DDX10: variants seen among roughly 807,000 people sequenced by gnomAD.
The protein encoded by DDX10 is probable ATP-dependent RNA helicase DDX10.
DDX10 carries 74 observed loss-of-function variants against 104.3 expected under a neutral mutation model. The observed-to-expected ratio is 0.71, with a 90% CI of 0.59 to 0.86. DDX10 has a LOEUF of 0.86. Ranked by LOEUF, DDX10 falls within the 40% of genes least tolerant of loss-of-function variation. The probability of loss-of-function intolerance (pLI) is 0.00; values close to 1 mark genes in which losing one functional copy is unlikely to be tolerated. For missense variants in DDX10, 952 were observed against 1,040.0 expected (o/e 0.92, Z 1.16); for synonymous variants, 351 against 353.4 (o/e 0.99, Z 0.08).
At chr11:108,680,270 A>G (rs1316695414) in intron 6 of DDX10, among the ~76,000 whole-genome samples, 1 of 152,196 alleles carries the variant, frequency 6.6e-6, no homozygotes, top group African/African-American at 2.4e-5. Flanking sequence ...GCTGGAGTGC[A>G]GTTGTGTGAA....
intron 13 of DDX10, among the ~76,000 whole-genome samples, chr11:108,812,998 A>AAAAAAAAAAAAG (rs1301369667): frequency 6.6e-6 from 1 of 151,396 alleles, no homozygotes; most frequent in African/African-American, 2.4e-5. Flanking sequence ...AAAAAAGAAC[A>AAAAAAAAAAAAG]AACATTTACT....
intron 17 of DDX10, chr11:108,920,441 A>T (rs1388929081): frequency 6.6e-6 from 1 of 152,144 alleles, no homozygotes; most frequent in Non-Finnish European, 1.5e-5. Context: ...ATCACTGATG[A>T]GGGATTTTAT....
At chr11:108,781,192 G>T (rs757471657) in intron 13 of DDX10, among the ~76,000 whole-genome samples, 9 of 152,198 alleles carry the variant, frequency 5.9e-5, no homozygotes, top group Admixed American at 3.3e-4. Context: ...ATTCATTTAG[G>T]CTTATGGCCA....
At chr11:108,834,858 G>A (rs1271816159) in intron 13 of DDX10, among the ~76,000 whole-genome samples, 14 of 149,450 alleles carry the variant, frequency 9.4e-5, no homozygotes, top group Non-Finnish European at 1.6e-4. Context: ...AACCCGGGAG[G>A]TGGAGCTTGC....
chr11:108,917,033 AC>A (rs1452917509), intron 16 of DDX10, among the ~76,000 whole-genome samples: 1 of 151,734 alleles, frequency 6.6e-6, no homozygotes, highest in Non-Finnish European at 1.5e-5. Context: ...AAGACCCATC[AC>A]TACAAATAAG....
chr11:108,769,557 A>G (rs1224713632), intron 13 of DDX10, among the ~76,000 whole-genome samples: 1 of 152,086 alleles, frequency 6.6e-6, no homozygotes, highest in Non-Finnish European at 1.5e-5. Flanking sequence ...CTATTATCTA[A>G]ATGTCTTGGA....
intron 16 of DDX10, among the ~76,000 whole-genome samples, chr11:108,913,542 G>T (rs372972683): frequency 6.6e-6 from 1 of 152,116 alleles, no homozygotes; most frequent in Non-Finnish European, 1.5e-5. Flanking sequence ...TGGGCAAATT[G>T]CGAGGGAGGT....
At chr11:108,787,759 C>T (rs368332397) in intron 13 of DDX10, among the ~76,000 whole-genome samples, 4 of 151,988 alleles carry the variant, frequency 2.6e-5, no homozygotes, top group African/African-American at 4.8e-5. Context: ...GGAGAAACCC[C>T]GTCTCTACTA....
chr11:108,810,735 A>G (rs1414751340), intron 13 of DDX10, among the ~76,000 whole-genome samples: 1 of 152,228 alleles, frequency 6.6e-6, no homozygotes, highest in Non-Finnish European at 1.5e-5. Context: ...ACACACAACT[A>G]GAAATCCTGG....
chr11:108,666,839 T>C (rs2094210808), intron 1 of DDX10, among the ~76,000 whole-genome samples: 1 of 152,234 alleles, frequency 6.6e-6, no homozygotes, highest in Non-Finnish European at 1.5e-5. Context: ...ACTTTTGCCA[T>C]GTAAGGTAAC....
At chr11:108,848,965 A>G (rs1862756535) in intron 15 of DDX10, among the ~76,000 whole-genome samples, 1 of 152,200 alleles carries the variant, frequency 6.6e-6, no homozygotes, top group Admixed American at 6.5e-5. Flanking sequence ...GGATTTAACT[A>G]GTGAATCAGT....
intron 15 of DDX10, among the ~76,000 whole-genome samples, chr11:108,851,846 T>G (rs1261036623): frequency 6.6e-6 from 1 of 152,170 alleles, no homozygotes; most frequent in Non-Finnish European, 1.5e-5. Context: ...CTAGAATGTG[T>G]CTCTTGTATA....
Position 108,829,612 on chromosome 11 carries a change from C to T in DDX10, c.1966-8834C>T, listed in dbSNP as rs144409524. On this transcript the variant is annotated intron_variant, in intron 13 of 17. Coordinates refer to ENST00000322536, the MANE Select transcript of DDX10 (RefSeq NM_004398.4). Reference sequence around the variant, plus strand: ...CTTTAATTAAGTCCCATCTATTTATCTTTGTTTTTGCTGCATTTGCTTTTG... The same window carrying T: ...CTTTAATTAAGTCCCATCTATTTATTTTTGTTTTTGCTGCATTTGCTTTTG... Among the ~76,000 whole-genome samples, 1,096 of 152,250 alleles carry T rather than the reference C, an allele frequency of 7.2e-3. 13 individuals carry two copies. The highest frequency in any genetic ancestry group is 0.024 in the African/African-American group (992 of 41,550).
chr11:108,810,616 C>T (rs1015077633), intron 13 of DDX10, among the ~76,000 whole-genome samples: 3 of 152,100 alleles, frequency 2.0e-5, no homozygotes, highest in Admixed American at 6.6e-5. Context: ...TGGATTAAAT[C>T]GACAAGCTTC....
chr11:108,923,016 C>T (rs988543620), intron 17 of DDX10, among the ~76,000 whole-genome samples: 1 of 152,158 alleles, frequency 6.6e-6, no homozygotes, highest in East Asian at 1.9e-4. Flanking sequence ...CTTTTTTACT[C>T]TTCTTTATCC....
chr11:108,789,401 A>T (rs1861839227), intron 13 of DDX10, among the ~76,000 whole-genome samples: 2 of 152,234 alleles, frequency 1.3e-5, no homozygotes, highest in South Asian at 4.1e-4. Context: ...AACTCGTGAA[A>T]GATGTGTGCA....
At chr11:108,879,188 G>T (rs370663543) in intron 16 of DDX10, among the ~76,000 whole-genome samples, 1 of 152,060 alleles carries the variant, frequency 6.6e-6, no homozygotes, top group Non-Finnish European at 1.5e-5. Context: ...ATTTAGTAGA[G>T]ACCGGGTTTC....
Position 108,846,014 on chromosome 11 carries a change from C to T in DDX10, c.2247+4538C>T, listed in dbSNP as rs79930103. Among the ~76,000 whole-genome samples, 872 of 152,198 alleles carry T rather than the reference C, an allele frequency of 5.7e-3. 3 individuals are homozygous for T. Among genetic ancestry groups the T allele is most frequent in the Middle Eastern group, 0.017 (5 of 294 alleles). ...TCTTTGAATCACATTTTTCATCTAC[C>T]AAGTTCTGAAAGCTATATAATTTCT... On this transcript the variant is annotated intron_variant, in intron 15 of 17. Transcript: ENST00000322536.
At chr11:108,788,089 A>G (rs2134545623) in intron 13 of DDX10, among the ~76,000 whole-genome samples, 1 of 152,232 alleles carries the variant, frequency 6.6e-6, no homozygotes, top group East Asian at 1.9e-4. Flanking sequence ...CTGCATCTTG[A>G]TGCGCTTCCT....
Sources: allele counts gnomAD v4.1 joint callset (sites outside exome capture counted in the v4.1 genomes callset), GRCh38; gene constraint gnomAD v4.1.1; transcripts MANE v1.5; gene names NCBI Gene and HGNC (gene_info 2026-07-23, HGNC 2026-07-21).